Variants in MYOM1 observed in about 807,000 individuals in gnomAD.
The protein encoded by MYOM1 is myomesin 1.
A neutral mutation model predicts 205.3 loss-of-function variants in MYOM1; 164 were observed. The ratio of observed to expected loss-of-function variants is 0.80; its 90% CI spans 0.70 to 0.91. MYOM1 has a LOEUF of 0.91. Among genes scored for constraint, MYOM1 ranks in the 40% least tolerant of loss-of-function variants. MYOM1 has a pLI of 0.00. For synonymous variants in MYOM1, 772 were observed against 789.4 expected (o/e 0.98, Z 0.37); for missense variants, 2,011 against 2,127.3 (o/e 0.95, Z 1.08).
upstream of MYOM1, among the ~76,000 whole-genome samples, chr18:3,224,824 C>T (rs554029082): frequency 2.6e-5 from 4 of 152,112 alleles, no homozygotes; most frequent in East Asian, 1.9e-4. Context: ...CCACCATGCC[C>T]GGCTAATTTT....
At chr18:3,070,833 C>T (rs150925727) in intron 37 of MYOM1, among the ~76,000 whole-genome samples, 2 of 152,006 alleles carry the variant, frequency 1.3e-5, no homozygotes, top group African/African-American at 2.4e-5. Flanking sequence ...GATCTTGGCT[C>T]ACTGCAAACT....
intron 34 of MYOM1, among the ~76,000 whole-genome samples, chr18:3,077,221 G>A (rs1451034033): frequency 6.6e-6 from 1 of 151,726 alleles, no homozygotes; most frequent in Non-Finnish European, 1.5e-5. Context: ...GTCTTGCGAT[G>A]TTGTCCAGGC....
chr18:3,235,613 C>T, the MYOM1 span, among the ~76,000 whole-genome samples: 1 of 152,122 alleles, frequency 6.6e-6, no homozygotes, highest in Non-Finnish European at 1.5e-5. Flanking sequence ...ACATTGAATG[C>T]CTATAATGTG....
In MYOM1 at chr18:3,152,349, C is replaced by G. The variant is rs888971642; in HGVS notation, c.1644-456G>C. 2.0e-5 allele frequency among the ~76,000 whole-genome samples: 3 copies of G among 152,204 alleles called. No individual in the cohort carries two copies. The highest frequency in any genetic ancestry group is 7.2e-5 in the African/African-American group (3 of 41,444). Reference sequence around the variant, plus strand: ...GCGTCTTAAAACCTAACTATTTGCACTGTAGTTTGGAAAAGAGTTCACCAT... The same window carrying G: ...GCGTCTTAAAACCTAACTATTTGCAGTGTAGTTTGGAAAAGAGTTCACCAT... On this transcript the variant is annotated intron_variant, in intron 11 of 37. Transcript: ENST00000356443. This position sits in a 1 kb window ranked among gnomAD's most constrained non-coding sequence, Gnocchi z 4.3.
rs4129037 is a variant in MYOM1, at chr18:3,116,121, C to T, written c.3303+210G>A. ...AGGAGCTGCTGGGTGCATTTCAAAG[C>T]TATGCTAAGGAATTCAGGTTAAATA... On this transcript the variant is annotated intron_variant, in intron 21 of 37. Transcript: ENST00000356443. Among the ~76,000 whole-genome samples the T allele has an allele frequency of 2.9e-3, 444 of 152,230 alleles. 1 individual carries two copies. The highest frequency in any genetic ancestry group is 0.01 in the African/African-American group (419 of 41,522).
chr18:3,098,985 G>T (rs748939984), intron 25 of MYOM1, among the ~76,000 whole-genome samples: 1 of 152,128 alleles, frequency 6.6e-6, no homozygotes, highest in Non-Finnish European at 1.5e-5. Flanking sequence ...ATACGGACTC[G>T]CTCTGTTGCC....
intron 22 of MYOM1, among the ~76,000 whole-genome samples, chr18:3,109,003 T>TG (rs2079489240): frequency 6.6e-6 from 1 of 151,708 alleles, no homozygotes; most frequent in African/African-American, 2.4e-5. Flanking sequence ...TTTTTTGAGA[T>TG]GGAGTCTTGC....
chr18:3,139,742 C>G (rs1389608137), intron 14 of MYOM1, among the ~76,000 whole-genome samples: 1 of 152,188 alleles, frequency 6.6e-6, no homozygotes, highest in Non-Finnish European at 1.5e-5. Flanking sequence ...CTACATAGTA[C>G]TGTGTTCATA....
At chr18:3,145,145 C>T (rs778899840) in intron 13 of MYOM1, among the ~76,000 whole-genome samples, 35 of 152,028 alleles carry the variant, frequency 2.3e-4, no homozygotes, top group Non-Finnish European at 4.3e-4. Context: ...CCCATCTCTA[C>T]TAAAAATACA....
intron 23 of MYOM1, 129 bp downstream of exon 23, chr18:3,102,345 T>C (rs1405468544): frequency 2.0e-6 from 2 of 1,000,390 alleles, no homozygotes; most frequent in Middle Eastern, 2.2e-4. Flanking sequence ...TATTATTTTC[T>C]ACAATACCAG....
chr18:3,156,768 C>T (rs113022193), intron 10 of MYOM1, among the ~76,000 whole-genome samples: 172 of 152,132 alleles, frequency 1.1e-3, no homozygotes, highest in African/African-American at 3.9e-3. Flanking sequence ...CACCTATGCC[C>T]GGCTAATTTT....
Position 3,116,463 on chromosome 18 carries a change from G to T in MYOM1, c.3171C>A (p.Leu1057=), listed in dbSNP as rs1402370708. 6.2e-7 allele frequency: 1 copy of T among 1,610,644 alleles called. No homozygotes were observed. Residue 1057 remains leucine, a synonymous_variant, in exon 21 of 38, where the codon CTC becomes CTA. Coordinates refer to ENST00000356443, the MANE Select transcript of MYOM1 (RefSeq NM_003803.4). Reference sequence around the variant, plus strand: ...CGGAGTGGACTGGCGGCTTCCACTGGAGAACCAGTGAGTCTTTCCTGACTT... The same window carrying T: ...CGGAGTGGACTGGCGGCTTCCACTGTAGAACCAGTGAGTCTTTCCTGACTT... ...CSEVRKDSLV[L]QWKPPVHSGR... is the part of the protein sequence containing the mutation.
intron 7 of MYOM1, 24 bp from the exon 8 acceptor site, chr18:3,174,024 T>C (rs1250105362): frequency 2.5e-6 from 4 of 1,610,620 alleles, no homozygotes; most frequent in African/African-American, 1.3e-5. Flanking sequence ...CAGAAACGCA[T>C]GTGAACTGCT....
intron 34 of MYOM1, among the ~76,000 whole-genome samples, chr18:3,078,305 G>T (rs1441551772): frequency 1.3e-5 from 2 of 152,110 alleles, no homozygotes; most frequent in South Asian, 2.1e-4. Context: ...GCCTCCCAAA[G>T]CGCTAGGATT....
rs576627759 is a variant in MYOM1 at position 3,155,244 on chromosome 18, C to T, written c.1502-156G>A. On this transcript the variant is annotated intron_variant, in intron 10 of 37. Coordinates refer to ENST00000356443, the MANE Select transcript of MYOM1 (RefSeq NM_003803.4). Reference sequence around the variant, plus strand: ...AAATCTTGCTATTTTTTTTTTGAGACGGAGTCTCGCTCTGTCACCCAGGCT... The same window carrying T: ...AAATCTTGCTATTTTTTTTTTGAGATGGAGTCTCGCTCTGTCACCCAGGCT... 7.5e-4 allele frequency among the ~76,000 whole-genome samples: 114 copies of T among 152,102 alleles called. No individual in the cohort carries two copies. The South Asian group carries it at 0.02, about 26-fold the overall frequency.
intron 2 of MYOM1, among the ~76,000 whole-genome samples, chr18:3,199,533 G>C (rs2081038689): frequency 6.6e-6 from 1 of 152,180 alleles, no homozygotes; most frequent in Non-Finnish European, 1.5e-5. Context: ...AGCAAAACCA[G>C]ATTTACGTAA....
At chr18:3,075,855 G>A (rs781528838) in intron 34 of MYOM1, 94 bp from the exon 35 acceptor site, 38 of 1,151,990 alleles carry the variant, frequency 3.3e-5, no homozygotes, top group Middle Eastern at 2.6e-4. Context: ...TGCTGTGATC[G>A]GTCCAGACAT....
the MYOM1 span, among the ~76,000 whole-genome samples, chr18:3,240,360 G>A: frequency 6.6e-6 from 1 of 152,174 alleles, no homozygotes; most frequent in South Asian, 2.1e-4. Context: ...GAGGGATCCG[G>A]TGGGAGGTAA....
At chr18:3,173,008 G>A (rs1438906975) in intron 8 of MYOM1, among the ~76,000 whole-genome samples, 5 of 152,154 alleles carry the variant, frequency 3.3e-5, no homozygotes, top group Non-Finnish European at 5.9e-5. Flanking sequence ...AACCAGCCAG[G>A]TGAAAAACTG....
Sources: allele counts gnomAD v4.1 joint callset (sites outside exome capture counted in the v4.1 genomes callset), GRCh38; gene constraint gnomAD v4.1.1; non-coding constraint Gnocchi (gnomAD v3.1); transcripts MANE v1.5; gene names NCBI Gene and HGNC (gene_info 2026-07-23, HGNC 2026-07-21).